MYO3B: variants seen among roughly 807,000 people sequenced by gnomAD.
MYO3B encodes myosin IIIB.
Under a neutral mutation model 174.6 loss-of-function variants are expected in MYO3B, and 156 were observed. The ratio of observed to expected loss-of-function variants is 0.89; its 90% confidence interval spans 0.78 to 1.02. The LOEUF (loss-of-function observed/expected upper bound fraction) is 1.02. Ranked by LOEUF, MYO3B falls within the 50% of genes least tolerant of loss-of-function variation. The pLI, the probability that MYO3B is intolerant of heterozygous loss-of-function variation, is 0.00. For missense variants in MYO3B, 1,632 were observed against 1,639.4 expected (o/e 1.00, Z 0.08); for synonymous variants, 563 against 569.1 (o/e 0.99, Z 0.15).
At chr2:170,527,188 A>T (rs1689060430) in intron 30 of MYO3B, among the ~76,000 whole-genome samples, 1 of 152,186 alleles carries the variant, frequency 6.6e-6, no homozygotes, top group African/African-American at 2.4e-5. Flanking sequence ...GGATATGCAG[A>T]GCCATTCTTG....
intron 22 of MYO3B, among the ~76,000 whole-genome samples, chr2:170,411,505 A>G (rs1288109514): frequency 6.6e-6 from 1 of 152,236 alleles, no homozygotes; most frequent in Non-Finnish European, 1.5e-5. Context: ...GTACAGTACA[A>G]CTATGGTATG....
intron 7 of MYO3B, among the ~76,000 whole-genome samples, chr2:170,264,578 C>A (rs2093368990): frequency 6.6e-6 from 1 of 152,152 alleles, no homozygotes; most frequent in Non-Finnish European, 1.5e-5. Flanking sequence ...CTGCCACGTG[C>A]TGGTTGTGTG....
At chr2:170,565,061 TAAAAGG>T (rs375899143) in intron 32 of MYO3B, among the ~76,000 whole-genome samples, 1 of 152,288 alleles carries the variant, frequency 6.6e-6, no homozygotes, top group African/African-American at 2.4e-5. Flanking sequence ...GGGCAGTTCA[TAAAAGG>T]AGAAAGTGCA....
intron 8 of MYO3B, among the ~76,000 whole-genome samples, chr2:170,348,826 A>G (rs1344407500): frequency 6.6e-6 from 1 of 152,128 alleles, no homozygotes; most frequent in African/African-American, 2.4e-5. Flanking sequence ...TGCTTTCCCT[A>G]ATCCACTTCT....
chr2:170,549,306 G>T (rs1473298862), intron 32 of MYO3B, among the ~76,000 whole-genome samples: 1 of 152,180 alleles, frequency 6.6e-6, no homozygotes, highest in Non-Finnish European at 1.5e-5. Flanking sequence ...AAGGTCAAAA[G>T]TAGCAAGCAG....
chr2:170,420,112 C>T (rs574446293), intron 22 of MYO3B, among the ~76,000 whole-genome samples: 5 of 152,086 alleles, frequency 3.3e-5, no homozygotes, highest in South Asian at 2.1e-4. Context: ...GAACAGGACC[C>T]GGGATGCGGA....
Position 170,200,195 on chromosome 2 carries a change from C to T in MYO3B, c.232C>T (p.Leu78Phe). 3.1e-6 allele frequency: 5 copies of T among 1,613,376 alleles called. No homozygotes were observed. Among genetic ancestry groups the T allele is most frequent in the Non-Finnish European group, 4.2e-6 (5 of 1,179,606 alleles). The change falls in exon 3 of 35, where the codon CTT (leucine) becomes TTT (phenylalanine). Residue 78 changes from leucine to phenylalanine, a missense_variant. Physicochemically the swap from Leu to Phe is conservative, Grantham distance 22. Transcript: ENST00000408978. ...IEAEYNILQF[L>F]PNHPNVVKFY... ...GGCAGAATACAACATTTTGCAGTTC[C>T]TTCCTAATCATCCCAATGTTGTAAA...
chr2:170,288,670 C>A (rs1446263026), intron 7 of MYO3B, among the ~76,000 whole-genome samples: 1 of 151,970 alleles, frequency 6.6e-6, no homozygotes, highest in Admixed American at 6.6e-5. Context: ...ACAAACAAAG[C>A]TAATTTGACT....
At chr2:170,304,507 C>T (rs139872979) in intron 7 of MYO3B, among the ~76,000 whole-genome samples, 1,914 of 149,672 alleles carry the variant, frequency 0.013, 44 homozygotes, top group African/African-American at 0.045. Context: ...CTCTGTCACC[C>T]AGGCTGGAGT....
At chr2:170,389,063 G>C (rs1232837441) in intron 14 of MYO3B, among the ~76,000 whole-genome samples, 1 of 152,212 alleles carries the variant, frequency 6.6e-6, no homozygotes, top group Non-Finnish European at 1.5e-5. Flanking sequence ...CAAAGATAAT[G>C]TGAGGAGAGT....
intron 7 of MYO3B, among the ~76,000 whole-genome samples, chr2:170,253,279 G>C (rs559449640): frequency 1.3e-5 from 2 of 152,224 alleles, no homozygotes; most frequent in African/African-American, 4.8e-5. Flanking sequence ...GATTGCTTAT[G>C]GATTTGATGT....
intron 25 of MYO3B, among the ~76,000 whole-genome samples, chr2:170,484,730 T>C (rs1335928919): frequency 1.3e-5 from 2 of 152,158 alleles, no homozygotes; most frequent in Non-Finnish European, 2.9e-5. Flanking sequence ...AATGAATATA[T>C]GGCTTTTTTT....
intron 7 of MYO3B, among the ~76,000 whole-genome samples, chr2:170,256,836 A>G (rs536675830): frequency 2.6e-4 from 40 of 152,292 alleles, no homozygotes; most frequent in Non-Finnish European, 4.6e-4. Flanking sequence ...AACAAGACCC[A>G]ACTGTCTGCT....
intron 6 of MYO3B, among the ~76,000 whole-genome samples, chr2:170,227,587 C>T (rs747781585): frequency 1.4e-4 from 22 of 152,108 alleles, no homozygotes; most frequent in Non-Finnish European, 2.9e-4. Context: ...GCCCGGCCTC[C>T]CATACCTTTT....
chr2:170,416,452 A>AG (rs78998684), intron 22 of MYO3B, among the ~76,000 whole-genome samples: 26,246 of 146,606 alleles, frequency 0.18, 2,916 homozygotes, highest in East Asian at 0.56. Context: ...TGAACCTCAG[A>AG]GTGGAGGTTG....
chr2:170,647,786 C>T (rs775647824), intron 32 of MYO3B, among the ~76,000 whole-genome samples: 29 of 152,142 alleles, frequency 1.9e-4, no homozygotes, highest in African/African-American at 4.1e-4. Flanking sequence ...ACAGCAAGTT[C>T]GTCAAGAACA....
intron 6 of MYO3B, among the ~76,000 whole-genome samples, chr2:170,221,453 A>T (rs2092899850): frequency 6.6e-6 from 1 of 152,196 alleles, no homozygotes; most frequent in Non-Finnish European, 1.5e-5. Context: ...ACCACAGTAC[A>T]ATCAAATGTT....
chr2:170,473,651 A>G (rs1299607146), intron 25 of MYO3B, among the ~76,000 whole-genome samples: 1 of 152,214 alleles, frequency 6.6e-6, no homozygotes, highest in Non-Finnish European at 1.5e-5. Context: ...AAATAAGTTG[A>G]TTTAAAATAA....
At chr2:170,400,949 T>C (rs1574919203) in intron 17 of MYO3B, among the ~76,000 whole-genome samples, 2 of 152,052 alleles carry the variant, frequency 1.3e-5, no homozygotes, top group East Asian at 1.9e-4. Flanking sequence ...AAAAAAATCA[T>C]CTACAAACTG....
Sources: gnomAD v4.1 joint callset for allele counts (sites outside exome capture counted in the v4.1 genomes callset) on GRCh38, gnomAD v4.1.1 for gene constraint, MANE v1.5 for transcripts, NCBI Gene and HGNC (gene_info 2026-07-23, HGNC 2026-07-21) for gene names.